ASTN2: variants seen among roughly 807,000 people sequenced by gnomAD.
ASTN2 encodes astrotactin-2.
ASTN2 carries 54 observed loss-of-function variants against 139.8 expected under a neutral mutation model. The ratio of observed to expected loss-of-function variants is 0.39; its 90% CI spans 0.31 to 0.48. ASTN2 has a LOEUF of 0.48. ASTN2 is among the 20% of genes least tolerant of loss of function. The pLI is 0.95. For missense variants in ASTN2, 1,565 were observed against 1,725.1 expected (o/e 0.91, Z 1.64); for synonymous variants, 756 against 719.5 (o/e 1.05, Z -0.81).
intron 1 of ASTN2, among the ~76,000 whole-genome samples, chr9:117,381,865 G>A (rs1337139686): frequency 6.6e-6 from 1 of 152,152 alleles, no homozygotes; most frequent in Non-Finnish European, 1.5e-5. Flanking sequence ...AGAAAAGAAT[G>A]AATGAGGTAG....
chr9:116,872,179 G>A (rs1026121189), intron 10 of ASTN2, among the ~76,000 whole-genome samples: 4 of 151,854 alleles, frequency 2.6e-5, no homozygotes, highest in African/African-American at 9.7e-5. Flanking sequence ...GGCTAGGCTG[G>A]TTTTGAACTT....
chr9:116,793,949 T>C (rs1830620833), intron 13 of ASTN2, among the ~76,000 whole-genome samples: 1 of 152,116 alleles, frequency 6.6e-6, no homozygotes, highest in Non-Finnish European at 1.5e-5. Context: ...TAGAGGATCA[T>C]ATGGTTTGGA....
At chr9:116,768,448 T>C (rs1356710042) in intron 13 of ASTN2, among the ~76,000 whole-genome samples, 3 of 152,128 alleles carry the variant, frequency 2.0e-5, no homozygotes, top group African/African-American at 7.2e-5. Context: ...CCCTGACCCG[T>C]CCTCCATCAC....
In ASTN2 at chr9:116,976,733, C is replaced by T. The variant is rs374203594; in HGVS notation, c.1644G>A (p.Leu548=). Residue 548 remains leucine (L), a synonymous_variant, in exon 8 of 23, where the codon CTG becomes CTA. Coordinates refer to ENST00000313400, the MANE Select transcript of ASTN2 (RefSeq NM_001365068.1). ...GYAPDPVHRH[L]CVRSDWGQSE... is the part of the protein sequence containing the mutation. ...TCTGTCCCCAGTCACTGCGCACACA[C>T]AGGTGTCTGTGAACAGGGTCAGGGG... The T allele has an allele frequency of 1.8e-4, 289 of 1,614,008 alleles. 1 individual carries two copies. Among genetic ancestry groups the T allele is most frequent in the Non-Finnish European group, 2.3e-4 (277 of 1,179,998 alleles).
At chr9:116,436,869 C>CTATG (rs1469436942) in intron 22 of ASTN2, among the ~76,000 whole-genome samples, 2 of 151,712 alleles carry the variant, frequency 1.3e-5, no homozygotes, top group African/African-American at 2.4e-5. Flanking sequence ...CCATGGAATA[C>CTATG]TATGCAGCCA....
At chr9:116,468,944 G>A (rs563526550) in intron 20 of ASTN2, among the ~76,000 whole-genome samples, 1 of 151,982 alleles carries the variant, frequency 6.6e-6, no homozygotes, top group Non-Finnish European at 1.5e-5. Flanking sequence ...CCTTTTCTTG[G>A]TATCTGCATC....
intron 16 of ASTN2, among the ~76,000 whole-genome samples, chr9:116,688,340 G>A (rs1264210402): frequency 1.3e-5 from 2 of 152,100 alleles, no homozygotes; most frequent in East Asian, 3.9e-4. Flanking sequence ...AGGACCCTGA[G>A]TAGATTTGTG....
chr9:116,614,783 T>C (rs1855751961), intron 19 of ASTN2, among the ~76,000 whole-genome samples: 1 of 152,112 alleles, frequency 6.6e-6, no homozygotes, highest in Non-Finnish European at 1.5e-5. Flanking sequence ...GAAGAAAACC[T>C]AGGCAATACC....
intron 6 of ASTN2, among the ~76,000 whole-genome samples, chr9:117,013,636 T>C (rs975406523): frequency 2.6e-5 from 4 of 152,112 alleles, no homozygotes; most frequent in Non-Finnish European, 5.9e-5. Flanking sequence ...TCATTAACTC[T>C]GATCTTCAAT....
chr9:117,282,399 C>G (rs1205210912), intron 2 of ASTN2, among the ~76,000 whole-genome samples: 2 of 152,180 alleles, frequency 1.3e-5, no homozygotes, highest in African/African-American at 4.8e-5. Flanking sequence ...TGCCTCTTGC[C>G]ATCTCCAAGA....
intron 20 of ASTN2, among the ~76,000 whole-genome samples, chr9:116,466,524 T>C (rs1037001477): frequency 6.6e-6 from 1 of 152,184 alleles, no homozygotes; most frequent in African/African-American, 2.4e-5. Flanking sequence ...TCTCTTTTCA[T>C]AAATTTGGTT....
At chr9:116,546,499 G>A (rs1852097508) in intron 19 of ASTN2, 1 of 152,142 alleles carries the variant, frequency 6.6e-6, no homozygotes, top group African/African-American at 2.4e-5. Context: ...TGTTCCAGTT[G>A]AGTAATGTAT....
chr9:116,882,819 C>A lies in ASTN2; in HGVS notation c.1890-19086G>T, dbSNP rs1564321091. 2.8e-5 allele frequency among the ~76,000 whole-genome samples: 4 copies of A among 141,378 alleles called. No individual in the cohort carries two copies. In the Admixed American group the frequency reaches 3.0e-4, roughly 11 times the overall value. The allele number at this position is 141,378 out of a possible 152,430, so 92.7% of individuals were successfully genotyped here. The stretch of plus-strand genomic sequence containing the variant: ...TGAAGCCTGGGTGACAGACAGAGAC[C>A]TTGACTCTTAAAAAAAAAAAAAAGT... On this transcript the variant is annotated intron_variant, in intron 10 of 22. Transcript: ENST00000313400.
chr9:117,268,159 TC>T (rs1330384612), intron 2 of ASTN2, among the ~76,000 whole-genome samples: 2 of 152,342 alleles, frequency 1.3e-5, no homozygotes, highest in East Asian at 3.9e-4. Flanking sequence ...GTTATTTTCC[TC>T]TTTCCCTCTC....
At chr9:116,495,999 G>A (rs1189647565) in intron 19 of ASTN2, among the ~76,000 whole-genome samples, 1 of 152,048 alleles carries the variant, frequency 6.6e-6, no homozygotes. Flanking sequence ...TTTCCATGGA[G>A]CCTTCTTCCC....
chr9:117,101,392 T>C (rs1014100153), intron 4 of ASTN2, among the ~76,000 whole-genome samples: 3 of 152,198 alleles, frequency 2.0e-5, no homozygotes, highest in African/African-American at 7.2e-5. Context: ...GCTGCTCCCG[T>C]ACTTCCATTT....
chr9:117,155,534 G>C (rs940988783), intron 3 of ASTN2, among the ~76,000 whole-genome samples: 1 of 151,902 alleles, frequency 6.6e-6, no homozygotes, highest in Non-Finnish European at 1.5e-5. Context: ...GAGAGGCTGT[G>C]ATAGAACCTC....
chr9:116,989,392 G>T lies in ASTN2; in HGVS notation c.1592-12607C>A, dbSNP rs1025485553. On this transcript the variant is annotated intron_variant, in intron 7 of 22. Coordinates refer to ENST00000313400, the MANE Select transcript of ASTN2 (RefSeq NM_001365068.1). ...CTGGATTGTGTGCTCTTTCTGAGGGGTTCCTTTCTCAGAGTGACCTCAGCC... is the reference window on the plus strand; with the variant it reads ...CTGGATTGTGTGCTCTTTCTGAGGGTTTCCTTTCTCAGAGTGACCTCAGCC... Among the ~76,000 whole-genome samples the T allele has an allele frequency of 2.6e-5, 4 of 152,106 alleles. No homozygotes were observed. The South Asian group carries it at 6.2e-4, about 24-fold the overall frequency.
chr9:116,709,315 G>A (rs1270747050), intron 16 of ASTN2, among the ~76,000 whole-genome samples: 1 of 152,180 alleles, frequency 6.6e-6, no homozygotes, highest in Non-Finnish European at 1.5e-5. Flanking sequence ...GATATCTGTG[G>A]AAGCCCTTGC....
Sources: allele counts gnomAD v4.1 joint callset (sites outside exome capture counted in the v4.1 genomes callset), GRCh38; gene constraint gnomAD v4.1.1; transcripts MANE v1.5; gene names NCBI Gene and HGNC (gene_info 2026-07-23, HGNC 2026-07-21).